The following CCDC154 variants were observed in gnomAD, a reference collection of about 807,000 sequenced individuals.
The protein encoded by CCDC154 is coiled-coil domain containing 154, also known as coiled-coil domain-containing protein 154.
In CCDC154, 91 loss-of-function variants were observed where a neutral mutation model predicts 87.5. That is an observed-to-expected ratio of 1.04 (90% CI 0.88 to 1.24). CCDC154 has a LOEUF of 1.24. Ranked by LOEUF, CCDC154 falls within the 50% of genes most tolerant of loss-of-function variation. The pLI is 0.00. For synonymous variants in CCDC154, 418 were observed against 400.4 expected (o/e 1.04, Z -0.52); for missense variants, 903 against 879.2 (o/e 1.03, Z -0.34).
chr16:1,443,097 G>A (rs760994), intron 4 of CCDC154, 122 bp from the exon 5 acceptor site: 633,917 of 1,364,538 alleles, frequency 0.46, 151,678 homozygotes, highest in East Asian at 0.82. Context: ...TCTGAAGGCC[G>A]CCCAGGCACG....
At position 1,444,019 on chromosome 16, in the gene CCDC154, G is replaced by A. The variant is rs1412468557; in HGVS notation, c.8-7C>T. ...GGTCCACTGTCAGCCAACTCTACAA[G>A]GAGGCATCTTGGGAGCTTGCCCCTT... On this transcript the variant is annotated splice_polypyrimidine_tract_variant and splice_region_variant and intron_variant, in intron 1 of 16. Transcript: ENST00000389176. 1.5e-6 allele frequency: 2 copies of A among 1,297,720 alleles called. No individual in the cohort carries two copies. The highest frequency in any genetic ancestry group is 2.0e-6 in the Non-Finnish European group (2 of 988,752). The allele number at this position is 1,297,720 out of a possible 1,614,324, so 80.4% of individuals were successfully genotyped here. A position where few individuals can be genotyped will look rare whatever the true frequency, so the allele number is the denominator to read the frequency against.
At chr16:1,437,702 G>T (rs764187740) in intron 11 of CCDC154, 115 bp downstream of exon 11, 2 of 1,279,048 alleles carry the variant, frequency 1.6e-6, no homozygotes, top group Admixed American at 2.8e-5. Context: ...TGGGTGGGAC[G>T]GGAGGCTTGG....
Position 1,442,967 on chromosome 16 carries a change from T to C in CCDC154, c.464A>G (p.Glu155Gly). The change falls in exon 5 of 17, where the codon GAG (glutamate) becomes GGG (glycine). Residue 155 changes from glutamate (E) to glycine (G), a missense_variant. Physicochemically the swap from Glu to Gly is moderately conservative, Grantham distance 98. Coordinates refer to ENST00000389176, the MANE Select transcript of CCDC154 (RefSeq NM_001143980.3). ...QMQALDKRLV[E>G]VREALTRLRR... ...GAGCCGGGTCAAGGCTTCCCGGACC[T>C]CCACCAGCCTGGGACACAACAAGCC... 6.5e-7 allele frequency: 1 copy of C among 1,549,344 alleles called. No individual in the cohort carries two copies. Among genetic ancestry groups the C allele is most frequent in the Non-Finnish European group, 8.7e-7 (1 of 1,146,428 alleles).
At chr16:1,439,263 C>T (rs1216560998) in intron 6 of CCDC154, 137 bp from the exon 7 acceptor site, 3 of 730,782 alleles carry the variant, frequency 4.1e-6, no homozygotes, top group Non-Finnish European at 6.8e-6. Context: ...GGGCCTGCCA[C>T]ACCCTCAGCC....
chr16:1,441,278 G>A (rs1009873385), intron 6 of CCDC154, among the ~76,000 whole-genome samples: 3 of 152,310 alleles, frequency 2.0e-5, no homozygotes, highest in Admixed American at 6.5e-5. Context: ...TGCTCCACAC[G>A]GCCACTCAGT....
chr16:1,436,558 G>A (rs981368758), intron 12 of CCDC154, 37 bp from the exon 13 acceptor site: 1 of 1,546,820 alleles, frequency 6.5e-7, no homozygotes, highest in Non-Finnish European at 8.7e-7. Context: ...CAGCCCCAGG[G>A]CGCCATCTAG....
At position 1,442,793 on chromosome 16, in the gene CCDC154, C is replaced by A. The variant is rs73492028; in HGVS notation, c.551+87G>T. On this transcript the variant is annotated intron_variant, in intron 5 of 16. Transcript: ENST00000389176. ...CCGCCGGGTTACTGGGGACACACGG[C>A]AGGGGGACCCGTGTCTTGGCTCAGC... 2.5e-3 allele frequency: 3,295 copies of A among 1,337,940 alleles called. 58 individuals carry two copies. The African/African-American group carries it at 0.041, about 16-fold the overall frequency. The allele number at this position is 1,337,940 out of a possible 1,614,324, so 82.9% of individuals were successfully genotyped here.
chr16:1,435,144 C>T lies in CCDC154; in HGVS notation c.1637G>A (p.Cys546Tyr). The change falls in exon 15 of 17, where the codon TGC becomes TAC. Residue 546 changes from cysteine (C) to tyrosine (Y), a missense_variant. Cys to Tyr is a radical substitution (Grantham distance 194, BLOSUM62 -2). Coordinates refer to ENST00000389176, the MANE Select transcript of CCDC154 (RefSeq NM_001143980.3). Reference protein sequence around the residue: ...FQNQIMKLENCVQANKTIQNL... With the variant: ...FQNQIMKLENYVQANKTIQNL... ...CTGGATGGTCTTGTTGGCCTGGACG[C>T]AGTTTTCCAGCTTCATTATTTGGTT... 1 of 1,550,492 alleles carries T rather than the reference C, an allele frequency of 6.4e-7. No individual in the cohort carries two copies. The highest frequency in any genetic ancestry group is 2.4e-5 in the East Asian group (1 of 40,918).
At position 1,435,162 on chromosome 16, in the gene CCDC154, AT is replaced by A; in HGVS notation, c.1618del (p.Ile540Ter). The A allele has an allele frequency of 6.4e-7, 1 of 1,550,528 alleles. No individual in the cohort carries two copies. Among genetic ancestry groups the A allele is most frequent in the Non-Finnish European group, 8.7e-7 (1 of 1,146,854 alleles). ...QGKLATFQNQ[I>X]MKLENCVQAN... ...CTGGACGCAGTTTTCCAGCTTCATT[AT>A]TTGGTTCTGAAACTAAACATGGCCC... On this transcript the variant is annotated frameshift_variant, in exon 15 of 17. Transcript: ENST00000389176. LOFTEE classifies it high-confidence loss of function.
chr16:1,434,611 A>T, intron 16 of CCDC154, 57 bp downstream of exon 16: 1 of 1,168,854 alleles, frequency 8.6e-7, no homozygotes, highest in Non-Finnish European at 1.1e-6. Flanking sequence ...GTGGGCCCCC[A>T]GCCCTGAACC....
rs915793164 is a variant in CCDC154 at position 1,435,969 on chromosome 16, C to T, written c.1605G>A (p.Thr535=). ...TGGGTGCGGGCAGCCCCAGGACTAC[C>T]GTGGCCAGCTTGCCCTGCATCTCCG... is the stretch of plus-strand genomic sequence containing the variant. The part of the protein sequence containing the change: ...KIAEMQGKLA[T]FQNQIMKLEN... The change falls in exon 14 of 17, where the codon ACG becomes ACA. Residue 535 remains threonine (T), a splice_region_variant and synonymous_variant. Coordinates refer to ENST00000389176, the MANE Select transcript of CCDC154 (RefSeq NM_001143980.3). 22 of 1,548,416 alleles carry T rather than the reference C, an allele frequency of 1.4e-5. No individual in the cohort carries two copies. The Middle Eastern group carries it at 5.0e-4, about 35-fold the overall frequency.
rs540455081 is a variant in CCDC154, at chr16:1,443,012, G to A, written c.456-37C>T. The A allele has an allele frequency of 1.0e-4, 156 of 1,546,844 alleles. 1 individual carries two copies. In the South Asian group the frequency reaches 1.4e-3, roughly 13 times the overall value. ...CAAGCCATTCCCGAGAGGCCCAGGC[G>A]GGCTGAGCAGCCTCGGCGGGCTGGG... On this transcript the variant is annotated intron_variant, in intron 4 of 16. Transcript: ENST00000389176.
intron 9 of CCDC154, 162 bp downstream of exon 9, chr16:1,438,457 A>AG (rs2038521550): frequency 4.0e-6 from 3 of 751,456 alleles, no homozygotes; most frequent in Non-Finnish European, 6.4e-6. Context: ...GCCCCACAGG[A>AG]GGGAGGAGGG....
In CCDC154 at chr16:1,435,930, C is replaced by A. The variant is rs1253427090; in HGVS notation, c.1605+39G>T. 4.0e-6 allele frequency: 6 copies of A among 1,502,472 alleles called. No individual in the cohort carries two copies. The Admixed American group carries it at 9.8e-5, about 25-fold the overall frequency. The allele number at this position is 1,502,472 out of a possible 1,614,324, so 93.1% of individuals were successfully genotyped here. ...TGCCCCGTCTGAACCTGATGGCTCC[C>A]CCTCTCTCCCAGCTGGGTGCGGGCA... On this transcript the variant is annotated intron_variant, in intron 14 of 16. Transcript: ENST00000389176.
chr16:1,434,510 G>A lies in CCDC154; in HGVS notation c.1902C>T (p.Leu634=). The A allele has an allele frequency of 6.5e-7, 1 of 1,548,674 alleles. No homozygotes were observed. Among genetic ancestry groups the A allele is most frequent in the Non-Finnish European group, 8.7e-7 (1 of 1,146,400 alleles). The stretch of plus-strand genomic sequence containing the variant: ...GCCTCCGCAGGGCCCTGAGCTTTAT[G>A]AGGGACGCCTTCCAGCGCAGCCACC... ...AVRWLRWKAS[L]IKLRALRRPG... The change falls in exon 17 of 17, where the codon CTC becomes CTT. Residue 634 remains leucine (L), a synonymous_variant. Transcript: ENST00000389176.
chr16:1,435,803 G>A (rs1157126244), intron 14 of CCDC154, among the ~76,000 whole-genome samples, 166 bp downstream of exon 14: 3 of 152,158 alleles, frequency 2.0e-5, no homozygotes, highest in African/African-American at 7.2e-5. Context: ...TGGAATTATG[G>A]GTGTAAGCCA....
chr16:1,439,523 C>T (rs543463553), intron 6 of CCDC154, among the ~76,000 whole-genome samples: 2 of 152,034 alleles, frequency 1.3e-5, no homozygotes, highest in South Asian at 2.1e-4. Flanking sequence ...TCCACACCAA[C>T]AGCTGCTTTC....
chr16:1,437,708 C>T, intron 11 of CCDC154, 109 bp downstream of exon 11: 1 of 1,333,198 alleles, frequency 7.5e-7, no homozygotes, highest in South Asian at 1.6e-5. Context: ...GGACGGGAGG[C>T]TTGGGACCGG....
At position 1,437,965 on chromosome 16, in the gene CCDC154, C is replaced by T. The variant is rs781749235; in HGVS notation, c.1153-11G>A. On this transcript the variant is annotated splice_polypyrimidine_tract_variant and intron_variant, in intron 10 of 16. Coordinates refer to ENST00000389176, the MANE Select transcript of CCDC154 (RefSeq NM_001143980.3). ...GCTCTTCTCTCGGAGCTGCAGGGGA[C>T]AGGTGGGCACGGGGAGGCCTGGCTG... 3 of 1,542,978 alleles carry T rather than the reference C, an allele frequency of 1.9e-6. No individual in the cohort carries two copies. The highest frequency in any genetic ancestry group is 2.5e-5 in the East Asian group (1 of 40,716).
Sources: allele counts gnomAD v4.1 joint callset (sites outside exome capture counted in the v4.1 genomes callset), GRCh38; gene constraint gnomAD v4.1.1; transcripts MANE v1.5; gene names NCBI Gene and HGNC (gene_info 2026-07-23, HGNC 2026-07-21).